PRKG1: variants seen among roughly 807,000 people sequenced by gnomAD.
PRKG1 encodes the protein protein kinase cGMP-dependent 1.
PRKG1 carries 35 observed loss-of-function variants against 88.1 expected under a neutral mutation model. The ratio of observed to expected loss-of-function variants is 0.40; its 90% CI spans 0.30 to 0.53. The LOEUF is 0.53. PRKG1 is among the 20% of genes least tolerant of loss of function. The pLI, the probability that PRKG1 is intolerant of heterozygous loss-of-function variation, is 0.59. For missense variants in PRKG1, 540 were observed against 839.8 expected (o/e 0.64, Z 4.41); for synonymous variants, 303 against 292.5 (o/e 1.04, Z -0.37).
intron 10 of PRKG1, among the ~76,000 whole-genome samples, chr10:52,264,267 C>T (rs1056884928): frequency 1.3e-5 from 2 of 151,966 alleles, no homozygotes; most frequent in Admixed American, 1.3e-4. Context: ...TACTGATGTT[C>T]TTATTGTTGA....
chr10:51,276,396 A>G (rs370321612), intron 2 of PRKG1, among the ~76,000 whole-genome samples: 1 of 152,124 alleles, frequency 6.6e-6, no homozygotes, highest in Non-Finnish European at 1.5e-5. Flanking sequence ...CCAAGTCTTT[A>G]CTATTGTGAA....
chr10:52,113,063 G>A (rs1345605190), intron 7 of PRKG1, among the ~76,000 whole-genome samples: 2 of 152,104 alleles, frequency 1.3e-5, no homozygotes, highest in East Asian at 3.8e-4. Flanking sequence ...ATCTGTCAAA[G>A]TGAGAAAGCA....
At chr10:51,946,014 T>C (rs975792052) in intron 5 of PRKG1, among the ~76,000 whole-genome samples, 4 of 151,900 alleles carry the variant, frequency 2.6e-5, no homozygotes, top group African/African-American at 7.3e-5. Flanking sequence ...CCTTGCTAGA[T>C]TGGGGAAGTT....
At chr10:52,227,016 T>G (rs1194460408) in intron 9 of PRKG1, among the ~76,000 whole-genome samples, 1 of 152,160 alleles carries the variant, frequency 6.6e-6, no homozygotes, top group African/African-American at 2.4e-5. Flanking sequence ...GGAATAAAAA[T>G]GTAATTGGAG....
At chr10:50,994,401 ATTTTTT>A (rs562018970) in intron 1 of PRKG1, among the ~76,000 whole-genome samples, 5 of 87,642 alleles carry the variant, frequency 5.7e-5, no homozygotes, top group Non-Finnish European at 1.1e-4. Context: ...CTCACCTGTA[ATTTTTT>A]TTTTTTTTTT....
intron 1 of PRKG1, among the ~76,000 whole-genome samples, chr10:51,093,628 AT>A (rs61388328): frequency 4.1e-4 from 59 of 144,928 alleles, no homozygotes; most frequent in African/African-American, 1.1e-3. Flanking sequence ...TTACTTCATA[AT>A]TTTTTTTCAC....
chr10:51,157,256 A>G (rs1846238354), intron 2 of PRKG1, among the ~76,000 whole-genome samples: 1 of 151,916 alleles, frequency 6.6e-6, no homozygotes, highest in South Asian at 2.1e-4. Flanking sequence ...TCAGATACTT[A>G]AAAGTGCTAC....
chr10:50,999,871 C>G (rs7093621), intron 1 of PRKG1, among the ~76,000 whole-genome samples: 48,688 of 152,044 alleles, frequency 0.32, 7,887 homozygotes, highest in East Asian at 0.42. Context: ...GGGTAGAAAC[C>G]AGGTCTGTTT....
At chr10:51,717,479 C>G (rs113192283) in intron 3 of PRKG1, among the ~76,000 whole-genome samples, 1 of 152,196 alleles carries the variant, frequency 6.6e-6, no homozygotes, top group African/African-American at 2.4e-5. Context: ...CAGGCACATC[C>G]CTAGATTACA....
intron 5 of PRKG1, among the ~76,000 whole-genome samples, chr10:52,013,984 T>C (rs1564429494): frequency 6.6e-6 from 1 of 152,112 alleles, no homozygotes; most frequent in Non-Finnish European, 1.5e-5. Flanking sequence ...CATTTCCTGC[T>C]TTTTCCTTAG....
chr10:51,865,228 C>T (rs896607504), intron 4 of PRKG1, among the ~76,000 whole-genome samples: 2 of 151,974 alleles, frequency 1.3e-5, no homozygotes, highest in African/African-American at 4.8e-5. Flanking sequence ...AGTAAAATAA[C>T]CTCATGATGA....
At chr10:51,900,427 C>A (rs1409588953) in intron 4 of PRKG1, among the ~76,000 whole-genome samples, 2 of 152,066 alleles carry the variant, frequency 1.3e-5, no homozygotes, top group African/African-American at 4.8e-5. Flanking sequence ...ATCCATTGAT[C>A]CACCTTATAA....
At chr10:51,868,839 C>T (rs562943095) in intron 4 of PRKG1, among the ~76,000 whole-genome samples, 14 of 152,252 alleles carry the variant, frequency 9.2e-5, no homozygotes, top group African/African-American at 2.6e-4. Context: ...GGTGTGAATT[C>T]TGCTGAGGAT....
At chr10:51,354,929 T>G (rs1465377572) in intron 2 of PRKG1, among the ~76,000 whole-genome samples, 1 of 152,084 alleles carries the variant, frequency 6.6e-6, no homozygotes, top group East Asian at 1.9e-4. Flanking sequence ...GGGAGGACCC[T>G]CCCTCTGAGC....
intron 3 of PRKG1, among the ~76,000 whole-genome samples, chr10:51,683,976 G>A (rs1247315365): frequency 6.6e-6 from 1 of 152,172 alleles, no homozygotes; most frequent in African/African-American, 2.4e-5. Flanking sequence ...CAGTCTAATG[G>A]TTCCTCTGAA....
chr10:51,448,085 T>G (rs769613589), intron 2 of PRKG1, among the ~76,000 whole-genome samples: 1 of 151,520 alleles, frequency 6.6e-6, no homozygotes. Flanking sequence ...ATACACACAC[T>G]CACAAATACA....
intron 5 of PRKG1, among the ~76,000 whole-genome samples, chr10:51,916,891 C>T (rs1178876423): frequency 2.0e-5 from 3 of 152,098 alleles, no homozygotes; most frequent in African/African-American, 7.2e-5. Flanking sequence ...ACTTTGAAAG[C>T]ATTTTGTTAA....
chr10:51,647,034 AAT>A lies in PRKG1; in HGVS notation c.593-157547_593-157546del, dbSNP rs577706331. On this transcript the variant is annotated intron_variant, in intron 3 of 17. Coordinates refer to ENST00000373980, the MANE Select transcript of PRKG1 (RefSeq NM_006258.4). ...GAGAACCATTAGTTATTGGCATTAAAATATAAATTCTTTTTTTAAAGTGGTCT... is the reference window on the plus strand; with the variant it reads ...GAGAACCATTAGTTATTGGCATTAAAATAAATTCTTTTTTTAAAGTGGTCT... 5.4e-4 allele frequency among the ~76,000 whole-genome samples: 82 copies of A among 152,120 alleles called. 1 individual carries two copies. Among genetic ancestry groups the A allele is most frequent in the African/African-American group, 1.9e-3 (79 of 41,538 alleles).
rs756172161 is a variant in PRKG1, at chr10:51,280,657, T to C, written c.478+127327T>C. On this transcript the variant is annotated intron_variant, in intron 2 of 17. Transcript: ENST00000373980. ...TACCCTTTCTTCCAGTTGATCCAAT[T>C]GGCTACTGAAACTTGTGCATTCGTC... Among the ~76,000 whole-genome samples, 130 of 152,244 alleles carry C rather than the reference T, an allele frequency of 8.5e-4. 1 individual carries two copies. The highest frequency in any genetic ancestry group is 1.5e-3 in the Non-Finnish European group (105 of 68,046).
Sources: gnomAD v4.1 joint callset for allele counts (sites outside exome capture counted in the v4.1 genomes callset) on GRCh38, gnomAD v4.1.1 for gene constraint, MANE v1.5 for transcripts, NCBI Gene and HGNC (gene_info 2026-07-23, HGNC 2026-07-21) for gene names.